The following HACE1 variants were observed in gnomAD, a reference collection of about 807,000 sequenced individuals.
HACE1 encodes the protein HECT domain and ankyrin repeat containing E3 ubiquitin protein ligase 1.
In HACE1, 73 loss-of-function variants were observed where a neutral mutation model predicts 118.4. That is an observed-to-expected ratio of 0.62 (90% CI 0.51 to 0.75). The LOEUF is 0.75. Ranked by LOEUF, HACE1 falls within the 30% of genes least tolerant of loss-of-function variation. The pLI, the probability that HACE1 is intolerant of heterozygous loss-of-function variation, is 0.00. For missense variants in HACE1, 749 were observed against 1,102.2 expected, an observed-to-expected ratio of 0.68 and a Z score of 4.54; for synonymous variants, 368 against 374.8, an observed-to-expected ratio of 0.98 and a Z score of 0.21.
rs1400988481 is a variant in HACE1, at chr6:104,859,468, T to C, written c.76+99A>G. 4.0e-5 allele frequency: 36 copies of C among 892,066 alleles called. No homozygotes were observed. In the East Asian group the frequency reaches 8.1e-4, roughly 20 times the overall value. 55.3% of individuals were successfully genotyped at this position (892,066 alleles called of 1,614,324 possible). Reference sequence around the variant, plus strand: ...AGTAAAAGTGGGCGTTTTCTCAGCTTTCAGTTAGTTTTTCCACCCGACCTT... The same window carrying C: ...AGTAAAAGTGGGCGTTTTCTCAGCTCTCAGTTAGTTTTTCCACCCGACCTT... On this transcript the variant is annotated intron_variant, in intron 1 of 23. Coordinates refer to ENST00000262903, the MANE Select transcript of HACE1 (RefSeq NM_020771.4).
intron 6 of HACE1, among the ~76,000 whole-genome samples, chr6:104,823,879 T>C (rs1773044672): frequency 6.6e-6 from 1 of 152,142 alleles, no homozygotes; most frequent in Admixed American, 6.5e-5. Flanking sequence ...GAAAAGCTGC[T>C]AGGAAGTCAC....
At chr6:104,802,845 G>T (rs1038609897) in intron 7 of HACE1, among the ~76,000 whole-genome samples, 2 of 152,066 alleles carry the variant, frequency 1.3e-5, no homozygotes, top group African/African-American at 4.8e-5. Context: ...CTAGCAGAAG[G>T]CAAGAAATAA....
At chr6:104,751,825 T>C (rs1778075753) in intron 19 of HACE1, among the ~76,000 whole-genome samples, 1 of 151,884 alleles carries the variant, frequency 6.6e-6, no homozygotes, top group Non-Finnish European at 1.5e-5. Context: ...AGCAGGTATA[T>C]AGCTCCTACC....
At chr6:104,754,341 T>C (rs1582671612) in intron 19 of HACE1, among the ~76,000 whole-genome samples, 2 of 152,138 alleles carry the variant, frequency 1.3e-5, no homozygotes, top group African/African-American at 4.8e-5. Flanking sequence ...CAGGATATCA[T>C]ATAGGAGAAC....
chr6:104,793,734 C>T (rs1182370011), intron 10 of HACE1, among the ~76,000 whole-genome samples: 1 of 152,060 alleles, frequency 6.6e-6, no homozygotes, highest in African/African-American at 2.4e-5. Context: ...TACAAAAATA[C>T]CATTAAACAT....
intron 6 of HACE1, among the ~76,000 whole-genome samples, chr6:104,825,661 G>A (rs942574337): frequency 2.0e-5 from 3 of 152,134 alleles, no homozygotes; most frequent in South Asian, 2.1e-4. Context: ...TACATGAGGC[G>A]AACACCAAGT....
At position 104,771,173 on chromosome 6, in the gene HACE1, G is replaced by A. The variant is rs750517576; in HGVS notation, c.2211+20C>T. On this transcript the variant is annotated intron_variant, in intron 19 of 23. Coordinates refer to ENST00000262903, the MANE Select transcript of HACE1 (RefSeq NM_020771.4). ...GGCCAAGTTACAAACAATGGTTAAGGTAAAAACTGAAATACTCACTTTATT... is the reference window on the plus strand; with the variant it reads ...GGCCAAGTTACAAACAATGGTTAAGATAAAAACTGAAATACTCACTTTATT... 4.5e-6 allele frequency: 7 copies of A among 1,562,466 alleles called. No individual in the cohort carries two copies. The Admixed American group carries it at 1.2e-4, about 26-fold the overall frequency.
Position 104,758,687 on chromosome 6 carries a change from T to C in HACE1, c.2212-8215A>G, listed in dbSNP as rs536732274. Among the ~76,000 whole-genome samples the C allele has an allele frequency of 4.3e-4, 65 of 152,144 alleles. No homozygotes were observed. In the South Asian group the frequency reaches 0.013, roughly 30 times the overall value. The stretch of plus-strand genomic sequence containing the variant: ...TAGCATCATAATGACAGCATCAAAT[T>C]CACACATAACAATACAAACCTTAAA... On this transcript the variant is annotated intron_variant, in intron 19 of 23. Transcript: ENST00000262903.
At position 104,741,016 on chromosome 6, in the gene HACE1, C is replaced by A. The variant is rs200454697; in HGVS notation, c.2513+3144G>T. On this transcript the variant is annotated intron_variant, in intron 22 of 23. Coordinates refer to ENST00000262903, the MANE Select transcript of HACE1 (RefSeq NM_020771.4). ...CAAGGCTGGTTCAATATACGCAAATCAATAAATGTAATCCAGCACATAAAC... is the reference window on the plus strand; with the variant it reads ...CAAGGCTGGTTCAATATACGCAAATAAATAAATGTAATCCAGCACATAAAC... Among the ~76,000 whole-genome samples, 569 of 130,944 alleles carry A rather than the reference C, an allele frequency of 4.3e-3. 1 individual carries two copies. Among genetic ancestry groups the A allele is most frequent in the East Asian group, 0.02 (90 of 4,596 alleles). 85.9% of individuals were successfully genotyped at this position (130,944 alleles called of 152,430 possible). A position where few individuals can be genotyped will look rare whatever the true frequency, so the allele number is the denominator to read the frequency against.
chr6:104,840,599 C>T (rs868787041), intron 5 of HACE1, among the ~76,000 whole-genome samples: 93 of 152,096 alleles, frequency 6.1e-4, no homozygotes, highest in Middle Eastern at 6.8e-3. Context: ...GTAGCCAAGG[C>T]GGGTGGATCA....
At chr6:104,826,279 C>T (rs979439500) in intron 6 of HACE1, among the ~76,000 whole-genome samples, 11 of 152,156 alleles carry the variant, frequency 7.2e-5, no homozygotes, top group African/African-American at 1.9e-4. Context: ...TCTAGATACT[C>T]GAGTTACAAC....
At chr6:104,811,261 T>TATATATATATATATATATATATATAA (rs1771585776) in intron 7 of HACE1, 50 bp downstream of exon 7, 1 of 346,236 alleles carries the variant, frequency 2.9e-6, no homozygotes, top group South Asian at 3.9e-5. Context: ...TATATATATA[T>TATATATATATATATATATATATATAA]ATATATATAT....
intron 19 of HACE1, among the ~76,000 whole-genome samples, chr6:104,757,024 G>A (rs1371281854): frequency 6.6e-6 from 1 of 152,150 alleles, no homozygotes; most frequent in Non-Finnish European, 1.5e-5. Flanking sequence ...GCTTGAGTAG[G>A]AGGTTCTCTG....
intron 4 of HACE1, 112 bp from the exon 5 acceptor site, chr6:104,843,410 T>C: frequency 1.4e-6 from 1 of 730,146 alleles, no homozygotes; most frequent in Non-Finnish European, 2.5e-6. Flanking sequence ...CATCATAACA[T>C]CTTTATCTGT....
rs1222027910 is a variant in HACE1, at chr6:104,859,747, G to A, written c.-105C>T. The stretch of plus-strand genomic sequence containing the variant: ...GGGCCCGTCCAGCAGGCGGAGACGC[G>A]GGCTTGCCCCGGCTAGAGCACTGAG... On this transcript the variant is annotated 5_prime_UTR_variant, in exon 1 of 24. Coordinates refer to ENST00000262903, the MANE Select transcript of HACE1 (RefSeq NM_020771.4). 1.8e-6 allele frequency: 2 copies of A among 1,082,206 alleles called. No homozygotes were observed. The highest frequency in any genetic ancestry group is 2.9e-5 in the East Asian group (1 of 34,424). 67.0% of individuals were successfully genotyped at this position (1,082,206 alleles called of 1,614,324 possible). A position where few individuals can be genotyped will look rare whatever the true frequency, so the allele number is the denominator to read the frequency against.
At chr6:104,783,081 A>C (rs1278314842) in intron 14 of HACE1, among the ~76,000 whole-genome samples, 5 of 152,172 alleles carry the variant, frequency 3.3e-5, no homozygotes, top group Non-Finnish European at 4.4e-5. Context: ...TGCTCCTATC[A>C]ACACAAAATT....
intron 1 of HACE1, among the ~76,000 whole-genome samples, chr6:104,856,521 G>A (rs546112751): frequency 9.9e-5 from 15 of 151,656 alleles, no homozygotes; most frequent in East Asian, 3.9e-4. Context: ...TGCAACCTCC[G>A]CCTCCCAGGT....
intron 5 of HACE1, chr6:104,842,222 T>G (rs1185803781): frequency 6.6e-6 from 1 of 152,294 alleles, no homozygotes; most frequent in Non-Finnish European, 1.5e-5. Flanking sequence ...TGCTGGATGA[T>G]TTCTTGAGCC....
chr6:104,748,475 C>G (rs970181461), intron 20 of HACE1, among the ~76,000 whole-genome samples: 42 of 152,266 alleles, frequency 2.8e-4, no homozygotes, highest in African/African-American at 9.9e-4. Context: ...TCTCACACCT[C>G]CTAATGGGAG....
Sources: gnomAD v4.1 joint callset for allele counts (sites outside exome capture counted in the v4.1 genomes callset) on GRCh38, gnomAD v4.1.1 for gene constraint, MANE v1.5 for transcripts, NCBI Gene and HGNC (gene_info 2026-07-23, HGNC 2026-07-21) for gene names.